The following GNAS variants were observed in gnomAD, a reference collection of about 807,000 sequenced individuals.
GNAS encodes the protein GNAS complex locus, also known as protein ALEX.
Under a neutral mutation model 54.5 loss-of-function variants are expected in GNAS, and 8 were observed. The ratio of observed to expected loss-of-function variants is 0.15; its 90% CI spans 0.09 to 0.26. The LOEUF is 0.26. Ranked by LOEUF, GNAS falls within the 10% of genes least tolerant of loss-of-function variation. The probability of loss-of-function intolerance (pLI) is 1.00; values close to 1 mark genes in which losing one functional copy is unlikely to be tolerated. For synonymous variants in GNAS, 204 were observed against 191.4 expected, an observed-to-expected ratio of 1.07 and a Z score of -0.54; for missense variants, 170 against 529.8, an observed-to-expected ratio of 0.32 and a Z score of 6.67.
At chr20:58,887,521 TTC>T (rs2145837072), upstream of GNAS, among the ~76,000 whole-genome samples, 1 of 152,348 alleles carries the variant, frequency 6.6e-6, no homozygotes, top group South Asian at 2.1e-4. Flanking sequence ...TACTGCTGAG[TTC>T]TCCTATGAGC....
intron 1 of GNAS, chr20:58,855,829 A>T (rs755640148): frequency 3.2e-5 from 19 of 594,428 alleles, no homozygotes; most frequent in Non-Finnish European, 5.1e-5. Flanking sequence ...TCGCCTGTGC[A>T]TGATACGCTG....
chr20:58,863,791 C>CT lies in GNAS; in HGVS notation c.43+22905_43+22906insT. On this transcript the variant is annotated intron_variant, in intron 1 of 12. Transcript: ENST00000306090. This position sits in a 1 kb window ranked among gnomAD's most constrained non-coding sequence, Gnocchi z 4.1. ...ATCTCTCTCCTCTTTTCCATTTGAA[C>CT]GATTTTGCCATTCATCAAACTGATT... 1.3e-5 allele frequency: 2 copies of CT among 152,624 alleles called. No homozygotes were observed. Among genetic ancestry groups the CT allele is most frequent in the African/African-American group, 4.8e-5 (2 of 41,444 alleles). The allele number at this position is 152,624 out of a possible 1,614,324, so 9.5% of individuals were successfully genotyped here. A position where few individuals can be genotyped will look rare whatever the true frequency, so the allele number is the denominator to read the frequency against.
intron 1 of GNAS, among the ~76,000 whole-genome samples, chr20:58,877,646 G>A (rs1449811876): frequency 6.6e-6 from 1 of 152,248 alleles, no homozygotes; most frequent in Non-Finnish European, 1.5e-5. Context: ...CTGATGGGCA[G>A]AAGCCAGCCG....
intron 3 of GNAS, among the ~76,000 whole-genome samples, chr20:58,901,344 T>TA (rs2090584731): frequency 2.0e-5 from 3 of 152,182 alleles, no homozygotes; most frequent in African/African-American, 7.2e-5. Context: ...ATTCTGCACA[T>TA]ACAAAGCAGA....
In GNAS at chr20:58,911,083, A is replaced by G. The variant is rs1569034366; in HGVS notation, c.*254A>G. On this transcript the variant is annotated 3_prime_UTR_variant, in exon 13 of 13. Coordinates refer to ENST00000371085, the MANE Select transcript of GNAS (RefSeq NM_000516.7). ...CCTCTCACTTTCAGTAAAAATAAAT[A>G]AAACAGCAGCAGCAAACAAATAAAA... 2 of 639,764 alleles carry G rather than the reference A, an allele frequency of 3.1e-6. No homozygotes were observed. The highest frequency in any genetic ancestry group is 3.1e-5 in the South Asian group (2 of 64,564). The allele number at this position is 639,764 out of a possible 1,614,324, so 39.6% of individuals were successfully genotyped here.
At chr20:58,892,157 C>G (rs1489515467) in intron 1 of GNAS, 7 of 940,622 alleles carry the variant, frequency 7.4e-6, no homozygotes, top group Admixed American at 6.4e-5. Context: ...CTCTCCCCCT[C>G]TTTCTCTCTT....
intron 1 of GNAS, among the ~76,000 whole-genome samples, chr20:58,869,860 A>G (rs6026567): frequency 0.37 from 56,135 of 152,124 alleles, 11,954 homozygotes; most frequent in East Asian, 0.66. Flanking sequence ...GCCTTGGGGC[A>G]GGCCACTTCT....
chr20:58,892,154 CCTCTTTCT>C (rs201484195), intron 1 of GNAS: 11,102 of 964,110 alleles, frequency 0.012, 73 homozygotes, highest in Middle Eastern at 0.032. Flanking sequence ...TCGCTCTCCC[CCTCTTTCT>C]CTCTTTCTCT....
chr20:58,853,292 C>A lies in GNAS; in HGVS notation c.43+12406C>A. Reference sequence around the variant, plus strand: ...TGGGCGTGCGCAACTGCCTCTACGGCAATAATATGTCAGGACAACGCGATA... The same window carrying A: ...TGGGCGTGCGCAACTGCCTCTACGGAAATAATATGTCAGGACAACGCGATA... On this transcript the variant is annotated intron_variant, in intron 1 of 12. Transcript: ENST00000306090. This position sits in a 1 kb window ranked among gnomAD's most constrained non-coding sequence, Gnocchi z 4.4. 1 of 1,549,536 alleles carries A rather than the reference C, an allele frequency of 6.5e-7. No individual in the cohort carries two copies. The highest frequency in any genetic ancestry group is 8.7e-7 in the Non-Finnish European group (1 of 1,146,210).
rs1236981336 is a variant in GNAS, at chr20:58,856,967, C to T, written c.43+16081C>T. On this transcript the variant is annotated intron_variant, in intron 1 of 12. Transcript: ENST00000306090. The surrounding 1 kb of genome is among the most constrained non-coding windows in gnomAD (Gnocchi z 4.2). ...AGACTTCTTAACTTCAAATCTGGGG[C>T]ATTAAATATTTTTGCCACATTTAAA... 2 of 145,682 alleles carry T rather than the reference C, an allele frequency of 1.4e-5. No individual in the cohort carries two copies. The highest frequency in any genetic ancestry group is 2.5e-5 in the African/African-American group (1 of 40,004). The allele number at this position is 145,682 out of a possible 1,614,324, so 9.0% of individuals were successfully genotyped here. A position where few individuals can be genotyped will look rare whatever the true frequency, so the allele number is the denominator to read the frequency against.
chr20:58,885,406 A>T (rs1488303897), intron 1 of GNAS, among the ~76,000 whole-genome samples: 1 of 152,266 alleles, frequency 6.6e-6, no homozygotes, highest in Non-Finnish European at 1.5e-5. Context: ...GTACGTCCAC[A>T]TTCTGTTTGA....
At chr20:58,905,256 G>A in intron 5 of GNAS, 127 bp from the exon 6 acceptor site, 1 of 703,694 alleles carries the variant, frequency 1.4e-6, no homozygotes, top group Non-Finnish European at 2.6e-6. Flanking sequence ...CATTAATTGG[G>A]CTCAAAATTC....
chr20:58,903,842 G>C (rs762318801), intron 5 of GNAS, 51 bp downstream of exon 5: 1 of 1,606,770 alleles, frequency 6.2e-7, no homozygotes, highest in Non-Finnish European at 8.5e-7. Flanking sequence ...CCTGAGCACA[G>C]TGTCCATATA....
upstream of GNAS, chr20:58,840,141 G>C (rs752831442): frequency 5.0e-6 from 8 of 1,611,470 alleles, no homozygotes; most frequent in South Asian, 8.8e-5. This position sits in a 1 kb window ranked among gnomAD's most constrained non-coding sequence, Gnocchi z 6.0. Context: ...CAGTGGCGCC[G>C]AGCTCGCCAT....
chr20:58,843,218 C>CA (rs2085811155), intron 1 of GNAS: 1 of 150,274 alleles, frequency 6.7e-6, no homozygotes, highest in African/African-American at 2.5e-5. Context: ...TCTCCTCCCC[C>CA]GCTCAATTCC....
intron 1 of GNAS, among the ~76,000 whole-genome samples, chr20:58,847,945 CTGTT>C (rs1339859089): frequency 1.3e-5 from 2 of 152,206 alleles, no homozygotes; most frequent in African/African-American, 2.4e-5. Flanking sequence ...AGAGGTGAGA[CTGTT>C]TGGGAGGCCC....
chr20:58,840,967 C>T lies in GNAS; in HGVS notation c.43+81C>T. ...GTGGAAAGGAGGTGAGAAGGAAAGG[C>T]AGGTCAGGGGCGAGTGGGAAGAGAG... is the stretch of plus-strand genomic sequence containing the variant. On this transcript the variant is annotated intron_variant, in intron 1 of 12. Coordinates refer to the GNAS transcript ENST00000306090. The surrounding 1 kb of genome is among the most constrained non-coding windows in gnomAD (Gnocchi z 6.0). The T allele has an allele frequency of 6.9e-7, 1 of 1,457,598 alleles. No homozygotes were observed. The highest frequency in any genetic ancestry group is 9.5e-7 in the Non-Finnish European group (1 of 1,056,956). The allele number at this position is 1,457,598 out of a possible 1,614,324, so 90.3% of individuals were successfully genotyped here.
intron 1 of GNAS, among the ~76,000 whole-genome samples, chr20:58,842,883 C>T (rs991052127): frequency 2.0e-5 from 3 of 152,156 alleles, no homozygotes; most frequent in African/African-American, 4.8e-5. Context: ...CCCGTTTTCC[C>T]ACAGAGAATT....
At chr20:58,846,882 C>T (rs1226800860) in intron 1 of GNAS, among the ~76,000 whole-genome samples, 1 of 152,208 alleles carries the variant, frequency 6.6e-6, no homozygotes, top group African/African-American at 2.4e-5. Flanking sequence ...TTAAGCAGAG[C>T]TTCCACTAAA....
Sources: allele counts gnomAD v4.1 joint callset (sites outside exome capture counted in the v4.1 genomes callset), GRCh38; gene constraint gnomAD v4.1.1; non-coding constraint Gnocchi (gnomAD v3.1); transcripts MANE v1.5; gene names NCBI Gene and HGNC (gene_info 2026-07-23, HGNC 2026-07-21).